Variants in DUSP13B observed in about 807,000 individuals in gnomAD.
The protein encoded by DUSP13B is dual specificity phosphatase 13B, also known as dual specificity protein phosphatase 13B.
At chr10:75,097,473 G>A in the DUSP13B span, among the ~76,000 whole-genome samples, 3 of 152,238 alleles carry the variant, frequency 2.0e-5, no homozygotes, top group Non-Finnish European at 2.9e-5. Context: ...GCCTCCCAAA[G>A]TGCTGGGATT....
At chr10:75,105,630 C>T in the DUSP13B span, 2 of 1,540,850 alleles carry the variant, frequency 1.3e-6, no homozygotes, top group Non-Finnish European at 1.8e-6. Context: ...TTCCGGCCAA[C>T]CACATCCAGC....
the DUSP13B span, chr10:75,099,490 C>T: frequency 2.2e-5 from 27 of 1,232,048 alleles, no homozygotes; most frequent in African/African-American, 3.1e-5. Flanking sequence ...TCTGCCTGAG[C>T]GGAACAGGGC....
chr10:75,100,579 C>G, the DUSP13B span, among the ~76,000 whole-genome samples: 6 of 152,200 alleles, frequency 3.9e-5, no homozygotes, highest in Middle Eastern at 3.2e-3. Flanking sequence ...GGGTGAAGCA[C>G]AGGCCCAACG....
At chr10:75,105,589 A>G in the DUSP13B span, 2 of 1,376,302 alleles carry the variant, frequency 1.5e-6, no homozygotes, top group Non-Finnish European at 2.0e-6. Flanking sequence ...ATCCAATCCT[A>G]TGTCTGCAGC....
the DUSP13B span, chr10:75,109,055 A>G: frequency 6.2e-7 from 1 of 1,611,916 alleles, no homozygotes; most frequent in African/African-American, 1.3e-5. Flanking sequence ...ACACGGCTGC[A>G]AGAAGACTTC....
At chr10:75,108,944 TA>T in the DUSP13B span, 3 of 1,535,472 alleles carry the variant, frequency 2.0e-6, no homozygotes, top group Admixed American at 5.7e-5. Context: ...CTGTGTCTGG[TA>T]AAGCGACCAA....
chr10:75,107,943 T>A, the DUSP13B span: 1 of 1,551,946 alleles, frequency 6.4e-7, no homozygotes, highest in Non-Finnish European at 8.7e-7. Flanking sequence ...TGAGGCATCC[T>A]CCCCATGAAT....
the DUSP13B span, chr10:75,105,956 C>A: frequency 7.9e-7 from 1 of 1,272,182 alleles, no homozygotes; most frequent in South Asian, 1.4e-5. Context: ...TTTCCTGACC[C>A]TGCCTTGGGT....
chr10:75,094,949 C>A, the DUSP13B span: 1 of 1,364,754 alleles, frequency 7.3e-7, no homozygotes, highest in Non-Finnish European at 1.0e-6. Context: ...AGAAGAGACA[C>A]CCATGGCCAT....
the DUSP13B span, chr10:75,094,555 C>G: frequency 2.6e-6 from 3 of 1,132,794 alleles, no homozygotes; most frequent in East Asian, 7.7e-5. Flanking sequence ...ATCCCTGCCT[C>G]TGCCTCAGCC....
At chr10:75,094,737 C>A in the DUSP13B span, 1 of 1,614,172 alleles carries the variant, frequency 6.2e-7, no homozygotes, top group South Asian at 1.1e-5. Flanking sequence ...CCGGAGGAAG[C>A]CTGAGTTAGG....
chr10:75,105,273 G>C, the DUSP13B span, among the ~76,000 whole-genome samples: 1 of 152,200 alleles, frequency 6.6e-6, no homozygotes, highest in Non-Finnish European at 1.5e-5. Flanking sequence ...AGATTTAGGG[G>C]AGCCCCCACA....
At chr10:75,094,615 G>A in the DUSP13B span, 2 of 1,574,058 alleles carry the variant, frequency 1.3e-6, no homozygotes, top group African/African-American at 1.3e-5. Flanking sequence ...AGAGCCTGCT[G>A]TTCCCAGGGC....
the DUSP13B span, among the ~76,000 whole-genome samples, chr10:75,104,384 G>A: frequency 7.9e-5 from 12 of 152,178 alleles, no homozygotes; most frequent in Admixed American, 3.3e-4. Flanking sequence ...AACTCCTGGG[G>A]CCTCCAGTTG....
chr10:75,098,791 C>T, the DUSP13B span, among the ~76,000 whole-genome samples: 18 of 152,280 alleles, frequency 1.2e-4, no homozygotes, highest in Admixed American at 8.5e-4. Context: ...ATGTCTCACT[C>T]GTGGGATATC....
At chr10:75,108,643 C>T in the DUSP13B span, among the ~76,000 whole-genome samples, 2 of 152,090 alleles carry the variant, frequency 1.3e-5, no homozygotes, top group African/African-American at 2.4e-5. Flanking sequence ...GCTTCTCCAC[C>T]GTCTGTATCC....
At chr10:75,105,543 C>G in the DUSP13B span, 1 of 1,031,208 alleles carries the variant, frequency 9.7e-7, no homozygotes, top group East Asian at 2.6e-5. Flanking sequence ...TCCTCACTTC[C>G]AGCCACACAC....
chr10:75,094,961 C>G, the DUSP13B span: 5 of 1,222,788 alleles, frequency 4.1e-6, no homozygotes, highest in Non-Finnish European at 5.8e-6. Flanking sequence ...CATGGCCATC[C>G]TCTACAGTAT....
At chr10:75,095,735 G>C in the DUSP13B span, 1 of 1,614,234 alleles carries the variant, frequency 6.2e-7, no homozygotes, top group Non-Finnish European at 8.5e-7. Flanking sequence ...TGCCTGCAGC[G>C]GCATTCACAA....
Sources: allele counts gnomAD v4.1 joint callset (sites outside exome capture counted in the v4.1 genomes callset), GRCh38; gene constraint gnomAD v4.1.1; transcripts MANE v1.5; gene names NCBI Gene and HGNC (gene_info 2026-07-23, HGNC 2026-07-21).